The following TSPEAR variants were observed in gnomAD, a reference collection of about 807,000 sequenced individuals.
TSPEAR encodes thrombospondin-type laminin G domain and EAR repeat-containing protein.
In TSPEAR, 69 loss-of-function variants were observed where a neutral mutation model predicts 71.6. The observed-to-expected ratio is 0.96, with a 90% confidence interval of 0.79 to 1.18. The LOEUF is 1.18. Ranked by LOEUF, TSPEAR falls within the 50% of genes most tolerant of loss-of-function variation. TSPEAR has a pLI of 0.00. For synonymous variants in TSPEAR, 402 were observed against 387.2 expected (o/e 1.04, Z -0.45); for missense variants, 971 against 894.9 (o/e 1.09, Z -1.09).
chr21:44,697,943 C>A, intron 1 of TSPEAR: 1 of 1,609,006 alleles, frequency 6.2e-7, no homozygotes, highest in Non-Finnish European at 8.5e-7. Context: ...CTGCTGAGGC[C>A]TCTGCTCAGG....
Position 44,711,492 on chromosome 21 carries a change from C to G in TSPEAR, c.23G>C (p.Cys8Ser). The G allele has an allele frequency of 6.2e-7, 1 of 1,612,140 alleles. No homozygotes were observed. Among genetic ancestry groups the G allele is most frequent in the Non-Finnish European group, 8.5e-7 (1 of 1,179,528 alleles). Residue 8 changes from cysteine (C) to serine (S), a missense_variant, in exon 1 of 12, where the codon TGT becomes TCT. Cys to Ser is a moderately radical substitution (Grantham distance 112). Transcript: ENST00000323084. This position sits in a 1 kb window ranked among gnomAD's most constrained non-coding sequence, Gnocchi z 4.5. MSALLSL[C>S]FVLPLAAPGH... ...GGGGGCCGCCAGGGGCAGCACAAAA[C>G]ACAGACTCAGCAGGGCAGACATGAG...
intron 1 of TSPEAR, chr21:44,702,350 G>C: frequency 1.4e-6 from 2 of 1,424,916 alleles, no homozygotes; most frequent in Non-Finnish European, 1.9e-6. Context: ...CCAGTGAGCT[G>C]TGTGTCCAGC....
At chr21:44,599,534 C>T (rs1316797188) in intron 1 of TSPEAR, among the ~76,000 whole-genome samples, 1 of 152,234 alleles carries the variant, frequency 6.6e-6, no homozygotes, top group Non-Finnish European at 1.5e-5. Context: ...CAGCCCACCT[C>T]CCTCCCTGGT....
chr21:44,541,049 A>G (rs587722062), intron 2 of TSPEAR, among the ~76,000 whole-genome samples: 13 of 150,100 alleles, frequency 8.7e-5, no homozygotes, highest in Admixed American at 2.7e-4. Flanking sequence ...CTGGGATTGC[A>G]GGCGTGAGCC....
At position 44,627,619 on chromosome 21, in the gene TSPEAR, T is replaced by A. The variant is rs782426833; in HGVS notation, c.83-59614A>T. 1.2e-4 allele frequency: 187 copies of A among 1,612,694 alleles called. No homozygotes were observed. The highest frequency in any genetic ancestry group is 1.5e-4 in the Non-Finnish European group (180 of 1,179,432). Reference sequence around the variant, plus strand: ...TGTGCCCGTCTGCTGCAAACCTGTGTGCTGTGCGCCCACCTGCTCTGAGGA... The same window carrying A: ...TGTGCCCGTCTGCTGCAAACCTGTGAGCTGTGCGCCCACCTGCTCTGAGGA... On this transcript the variant is annotated intron_variant, in intron 1 of 11. Transcript: ENST00000323084.
intron 1 of TSPEAR, among the ~76,000 whole-genome samples, chr21:44,661,337 T>C (rs1167994886): frequency 4.4e-5 from 5 of 114,272 alleles, no homozygotes; most frequent in South Asian, 2.7e-4. Flanking sequence ...AGAGCAAAAA[T>C]AGTGACAGTG....
Position 44,591,782 on chromosome 21 carries a change from C to G in TSPEAR, c.83-23777G>C. On this transcript the variant is annotated intron_variant, in intron 1 of 11. Coordinates refer to ENST00000323084, the MANE Select transcript of TSPEAR (RefSeq NM_144991.3). The stretch of plus-strand genomic sequence containing the variant: ...CAGGTGGGCACACAGCACACAGGCA[C>G]GCAGCAGACGGGCACGCAGCAGGCC... 3 of 1,579,210 alleles carry G rather than the reference C, an allele frequency of 1.9e-6. No homozygotes were observed. The Middle Eastern group carries it at 5.1e-4, about 269-fold the overall frequency.
At chr21:44,641,273 C>T (rs1343067377) in intron 1 of TSPEAR, among the ~76,000 whole-genome samples, 2 of 152,132 alleles carry the variant, frequency 1.3e-5, no homozygotes, top group African/African-American at 4.8e-5. Context: ...CTCCATGAAA[C>T]AAGAACAGGG....
intron 1 of TSPEAR, among the ~76,000 whole-genome samples, chr21:44,699,079 T>C (rs1555951179): frequency 6.6e-6 from 1 of 152,008 alleles, no homozygotes; most frequent in African/African-American, 2.4e-5. Context: ...GCGCCTGTGG[T>C]ACCACCTACC....
intron 1 of TSPEAR, chr21:44,579,991 G>A (rs2146100191): frequency 1.9e-6 from 3 of 1,613,372 alleles, no homozygotes; most frequent in Non-Finnish European, 2.5e-6. Flanking sequence ...AGCATGAAGT[G>A]GAAGCCCCAG....
chr21:44,523,749 C>A (rs2052786086), intron 8 of TSPEAR, among the ~76,000 whole-genome samples: 1 of 150,540 alleles, frequency 6.6e-6, no homozygotes, highest in South Asian at 2.1e-4. Flanking sequence ...GGTAGTTAAT[C>A]AGTCAGCCAG....
intron 1 of TSPEAR, among the ~76,000 whole-genome samples, chr21:44,599,134 T>TTTTCTCTCTC (rs1980574952): frequency 2.2e-5 from 2 of 92,280 alleles, no homozygotes; most frequent in Admixed American, 1.4e-4. Flanking sequence ...GGCCCCCATT[T>TTTTCTCTCTC]TCTCTCTCTC....
chr21:44,592,380 G>A (rs201427246), intron 1 of TSPEAR: 24 of 1,563,042 alleles, frequency 1.5e-5, no homozygotes, highest in Middle Eastern at 2.0e-4. Context: ...CTGGGCAGTC[G>A]TCCACCTGCC....
rs781828182 is a variant in TSPEAR at position 44,681,982 on chromosome 21, C to A, written c.82+29451G>T. The A allele has an allele frequency of 1.9e-6, 3 of 1,613,184 alleles. No homozygotes were observed. In the South Asian group the frequency reaches 3.3e-5, roughly 18 times the overall value. On this transcript the variant is annotated intron_variant, in intron 1 of 11. Coordinates refer to ENST00000323084, the MANE Select transcript of TSPEAR (RefSeq NM_144991.3). ...ACGCACACAGAGGACTGGCATCTCA[C>A]GGGCACACACACGGCTGGCTTGAAG...
chr21:44,666,153 T>G, intron 1 of TSPEAR: 2 of 407,178 alleles, frequency 4.9e-6, no homozygotes, highest in South Asian at 5.6e-5. Flanking sequence ...TAGCAGGGAG[T>G]ATGGAAATAA....
chr21:44,628,542 G>A (rs1260973881), intron 1 of TSPEAR, among the ~76,000 whole-genome samples: 1 of 152,016 alleles, frequency 6.6e-6, no homozygotes, highest in Admixed American at 6.5e-5. Flanking sequence ...CTCGTGGCAC[G>A]TTCTGCTGTC....
In TSPEAR at chr21:44,567,992, CA is replaced by C. The variant is rs782328135; in HGVS notation, c.95del (p.Leu32ArgfsTer19). On this transcript the variant is annotated frameshift_variant, in exon 2 of 12. Transcript: ENST00000323084. LOFTEE classifies it high-confidence loss of function. ...GWEPCTDLRP[L>X]DILAEVVPSD... ...AAGGGACCACTTCCGCCAGGATGTC[CA>C]GGGGGCGCAGGTCTGTGGCAAAGAA... 2 of 1,536,004 alleles carry C rather than the reference CA, an allele frequency of 1.3e-6. No individual in the cohort carries two copies. The highest frequency in any genetic ancestry group is 1.8e-6 in the Non-Finnish European group (2 of 1,136,644).
intron 9 of TSPEAR, among the ~76,000 whole-genome samples, chr21:44,511,869 G>T: frequency 6.6e-6 from 1 of 152,260 alleles, no homozygotes; most frequent in East Asian, 1.9e-4. Flanking sequence ...GCACTGTGTA[G>T]AGAGAGCTTT....
intron 3 of TSPEAR, among the ~76,000 whole-genome samples, chr21:44,532,721 A>G (rs963206471): frequency 6.6e-6 from 1 of 152,214 alleles, no homozygotes; most frequent in African/African-American, 2.4e-5. Context: ...AGATCCTGAC[A>G]TGGGTAACCA....
Sources: gnomAD v4.1 joint callset for allele counts (sites outside exome capture counted in the v4.1 genomes callset) on GRCh38, gnomAD v4.1.1 for gene constraint, Gnocchi (gnomAD v3.1) non-coding constraint, MANE v1.5 for transcripts, NCBI Gene and HGNC (gene_info 2026-07-23, HGNC 2026-07-21) for gene names.